Variants in ZNF92 observed in about 807,000 individuals in gnomAD.
ZNF92 encodes the protein epididymis luminal protein 203.
ZNF92 carries 11 observed loss-of-function variants against 12.4 expected under a neutral mutation model. The observed-to-expected ratio is 0.89, with a 90% CI of 0.56 to 1.47. The LOEUF is 1.47. Ranked by LOEUF, ZNF92 falls within the 40% of genes most tolerant of loss-of-function variation. The pLI is 0.00. For synonymous variants in ZNF92, 206 were observed against 228.6 expected, an observed-to-expected ratio of 0.90 and a Z score of 0.89; for missense variants, 622 against 681.0, an observed-to-expected ratio of 0.91 and a Z score of 0.96.
intron 1 of ZNF92, among the ~76,000 whole-genome samples, chr7:65,385,236 C>T (rs1445436112): frequency 6.6e-6 from 1 of 152,082 alleles, no homozygotes; most frequent in East Asian, 1.9e-4. Context: ...GCCAAAATCA[C>T]CAAGTGATTT....
intron 1 of ZNF92, 42 bp downstream of exon 1, chr7:65,374,042 C>G (rs1419349261): frequency 6.2e-7 from 1 of 1,613,576 alleles, no homozygotes; most frequent in African/African-American, 1.3e-5. Flanking sequence ...GGGGGAGGGT[C>G]TGGCTGGAAC....
chr7:65,381,301 C>T lies in ZNF92; in HGVS notation c.4-6601C>T, dbSNP rs138540733. ...GTGCTAGGATTACAGGTGTGAGGCACCACACCCACCTGCTTTCTCTTGAAA... is the reference window on the plus strand; with the variant it reads ...GTGCTAGGATTACAGGTGTGAGGCATCACACCCACCTGCTTTCTCTTGAAA... On this transcript the variant is annotated intron_variant, in intron 1 of 3. Coordinates refer to ENST00000328747, the MANE Select transcript of ZNF92 (RefSeq NM_152626.4). 1.3e-3 allele frequency among the ~76,000 whole-genome samples: 204 copies of T among 152,176 alleles called. 1 individual carries two copies. Among genetic ancestry groups the T allele is most frequent in the African/African-American group, 4.7e-3 (196 of 41,514 alleles).
In ZNF92 at chr7:65,391,124, G is replaced by A. The variant is rs186170453; in HGVS notation, c.226+2223G>A. Among the ~76,000 whole-genome samples, 54 of 151,946 alleles carry A rather than the reference G, an allele frequency of 3.6e-4. 1 individual carries two copies. In the East Asian group the frequency reaches 6.8e-3, roughly 19 times the overall value. On this transcript the variant is annotated intron_variant, in intron 3 of 3. Coordinates refer to ENST00000328747, the MANE Select transcript of ZNF92 (RefSeq NM_152626.4). ...TGGATCTCAAAGCTCTCTTAAAGGC[G>A]CTTATTTTTGAGATGGGGTCTTGCT...
In ZNF92 at chr7:65,399,824, C is replaced by T; in HGVS notation, c.1710C>T (p.Gly570=). ...TGEKPCKHEC[G]RAFNKSSNYT... ...AGAAACCCTGCAAACATGAATGTGG[C>T]AGAGCCTTTAACAAATCCTCAAATT... The change falls in exon 4 of 4, where the codon GGC becomes GGT. Residue 570 remains glycine (G), a synonymous_variant. Transcript: ENST00000328747. 6.2e-7 allele frequency: 1 copy of T among 1,606,132 alleles called. No homozygotes were observed.
intron 3 of ZNF92, among the ~76,000 whole-genome samples, chr7:65,395,982 G>C (rs1397990807): frequency 6.6e-6 from 1 of 151,996 alleles, no homozygotes; most frequent in African/African-American, 2.4e-5. Flanking sequence ...TGTGATCATG[G>C]CAATGAGCTG....
chr7:65,391,797 G>T (rs1213714748), intron 3 of ZNF92, among the ~76,000 whole-genome samples: 1 of 151,954 alleles, frequency 6.6e-6, no homozygotes, highest in Non-Finnish European at 1.5e-5. Context: ...TTCTATGTAT[G>T]GTTATACTGC....
At chr7:65,385,670 G>A (rs116430270) in intron 1 of ZNF92, among the ~76,000 whole-genome samples, 22 of 151,290 alleles carry the variant, frequency 1.5e-4, no homozygotes, top group African/African-American at 4.6e-4. Context: ...TTCTGTTATA[G>A]AGGACAGAAA....
rs528236847 is a variant in ZNF92 at position 65,390,806 on chromosome 7, C to T, written c.226+1905C>T. Among the ~76,000 whole-genome samples, 9 of 152,250 alleles carry T rather than the reference C, an allele frequency of 5.9e-5. No homozygotes were observed. The South Asian group carries it at 6.2e-4, about 11-fold the overall frequency. On this transcript the variant is annotated intron_variant, in intron 3 of 3. Transcript: ENST00000328747. ...GAGTTGGAACTGAGTCATTAAACTG[C>T]TTCAGAGACCACAGTAAAGGCCAAG...
intron 3 of ZNF92, among the ~76,000 whole-genome samples, chr7:65,392,036 G>GT (rs1793729728): frequency 6.6e-6 from 1 of 151,948 alleles, no homozygotes. Context: ...TTTGTTTCTT[G>GT]TTTTTACGGT....
rs201330536 is a variant in ZNF92 at position 65,373,910 on chromosome 7, C to G, written c.-88C>G. The stretch of plus-strand genomic sequence containing the variant: ...AGTCTTCACTGCTCTGCGTCCTGTG[C>G]TGATAAAGGCTCGCCGCTGTGACCC... On this transcript the variant is annotated 5_prime_UTR_variant, in exon 1 of 4. Transcript: ENST00000328747. 6.3e-7 allele frequency: 1 copy of G among 1,577,972 alleles called. No individual in the cohort carries two copies. Among genetic ancestry groups the G allele is most frequent in the African/African-American group, 1.3e-5 (1 of 74,214 alleles).
At chr7:65,386,440 G>A (rs1793566375) in intron 1 of ZNF92, among the ~76,000 whole-genome samples, 1 of 152,016 alleles carries the variant, frequency 6.6e-6, no homozygotes. Flanking sequence ...GAATATGGGA[G>A]GATGAATATA....
chr7:65,389,148 G>A (rs555502991), intron 3 of ZNF92, among the ~76,000 whole-genome samples: 2 of 152,004 alleles, frequency 1.3e-5, no homozygotes, highest in Non-Finnish European at 2.9e-5. Context: ...TAGTAGAGAC[G>A]GGGTGTCTCC....
chr7:65,375,652 A>C (rs920688796), intron 1 of ZNF92, among the ~76,000 whole-genome samples: 1 of 151,860 alleles, frequency 6.6e-6, no homozygotes, highest in African/African-American at 2.4e-5. Flanking sequence ...GATCGAGACC[A>C]TCCTGGCCAA....
In ZNF92 at chr7:65,374,071, G is replaced by A. The variant is rs1046926898; in HGVS notation, c.3+71G>A. 4.4e-6 allele frequency: 7 copies of A among 1,606,196 alleles called. No individual in the cohort carries two copies. In the African/African-American group the frequency reaches 5.4e-5, roughly 12 times the overall value. ...CTGGAACCGATTGGAAGTGGCTGTG[G>A]CGGGCCTCGGGCCTTCCCGCAGTCG... is the stretch of plus-strand genomic sequence containing the variant. On this transcript the variant is annotated intron_variant, in intron 1 of 3. Coordinates refer to ENST00000328747, the MANE Select transcript of ZNF92 (RefSeq NM_152626.4).
rs544571634 is a variant in ZNF92 at position 65,386,113 on chromosome 7, G to A, written c.4-1789G>A. Among the ~76,000 whole-genome samples, 368 of 152,068 alleles carry A rather than the reference G, an allele frequency of 2.4e-3. 5 individuals carry two copies. The highest frequency in any genetic ancestry group is 3.5e-3 in the Admixed American group (54 of 15,248). ...TGGCTCACTGCAACCTCTGCCTCCC[G>A]GGTTCAAGCAATTCTCCTGCCTCAG... On this transcript the variant is annotated intron_variant, in intron 1 of 3. Transcript: ENST00000328747.
At chr7:65,391,504 T>G (rs905024106) in intron 3 of ZNF92, among the ~76,000 whole-genome samples, 1 of 152,122 alleles carries the variant, frequency 6.6e-6, no homozygotes, top group Admixed American at 6.5e-5. Context: ...CTTATAAATT[T>G]AAGTTTGCGG....
rs1035532185 is a variant in ZNF92, at chr7:65,373,979, A to G, written c.-19A>G. The G allele has an allele frequency of 2.5e-6, 4 of 1,613,928 alleles. No individual in the cohort carries two copies. The highest frequency in any genetic ancestry group is 3.4e-6 in the Non-Finnish European group (4 of 1,179,950). On this transcript the variant is annotated 5_prime_UTR_variant, in exon 1 of 4. Coordinates refer to ENST00000328747, the MANE Select transcript of ZNF92 (RefSeq NM_152626.4). ...GGAGGTTCACAGCTAAGACGCCAGG[A>G]CCCCCTGGAAGCCTAGAAATGGTGA...
intron 3 of ZNF92, among the ~76,000 whole-genome samples, chr7:65,396,099 A>G (rs1392497099): frequency 7.4e-6 from 1 of 135,002 alleles, no homozygotes; most frequent in African/African-American, 3.3e-5. Flanking sequence ...TTTTCTGTAA[A>G]GACGGTTTTG....
chr7:65,394,882 G>A (rs1793807955), intron 3 of ZNF92, among the ~76,000 whole-genome samples: 3 of 152,014 alleles, frequency 2.0e-5, no homozygotes, highest in South Asian at 2.1e-4. Flanking sequence ...CTGACCTCAG[G>A]TGATCCACCC....
Sources: gnomAD v4.1 joint callset for allele counts (sites outside exome capture counted in the v4.1 genomes callset) on GRCh38, gnomAD v4.1.1 for gene constraint, MANE v1.5 for transcripts, NCBI Gene and HGNC (gene_info 2026-07-23, HGNC 2026-07-21) for gene names.